The following TGFA variants were observed in gnomAD, a reference collection of about 807,000 sequenced individuals.
TGFA encodes the protein protransforming growth factor alpha.
TGFA carries 12 observed loss-of-function variants against 21.7 expected under a neutral mutation model. The observed-to-expected ratio is 0.55, with a 90% CI of 0.35 to 0.90. The LOEUF is 0.90. Among genes scored for constraint, TGFA ranks in the 40% least tolerant of loss-of-function variants. The probability of loss-of-function intolerance (pLI) is 0.01; values close to 1 mark genes in which losing one functional copy is unlikely to be tolerated. For missense variants in TGFA, 178 were observed against 210.8 expected, an observed-to-expected ratio of 0.84 and a Z score of 0.96; for synonymous variants, 79 against 88.1, an observed-to-expected ratio of 0.90 and a Z score of 0.58.
At chr2:70,550,217 C>A (rs1186262407) in intron 1 of TGFA, among the ~76,000 whole-genome samples, 1 of 152,196 alleles carries the variant, frequency 6.6e-6, no homozygotes, top group Non-Finnish European at 1.5e-5. Context: ...TAAAGCTTAT[C>A]TCTGGATTAT....
At chr2:70,463,853 TC>T (rs1670472818) in intron 3 of TGFA, among the ~76,000 whole-genome samples, 1 of 152,016 alleles carries the variant, frequency 6.6e-6, no homozygotes, top group Non-Finnish European at 1.5e-5. Context: ...ACCCCATCAG[TC>T]CCCCAGGGGC....
At chr2:70,553,321 C>A in intron 1 of TGFA, 1 of 1,506,084 alleles carries the variant, frequency 6.6e-7, no homozygotes, top group South Asian at 1.3e-5. Context: ...GGGTTAGACG[C>A]CGGCCCCCGT....
intron 5 of TGFA, chr2:70,451,686 A>C (rs1239645310): frequency 1.0e-5 from 7 of 681,506 alleles, no homozygotes; most frequent in Non-Finnish European, 1.8e-5. Flanking sequence ...AAGATTAAAA[A>C]CATTTTTCTA....
chr2:70,553,739 A>G lies in TGFA; in HGVS notation c.29T>C (p.Leu10Pro). Residue 10 changes from leucine (L) to proline (P), a missense_variant, in exon 1 of 6, where the codon CTG becomes CCG. Coordinates refer to ENST00000295400, the MANE Select transcript of TGFA (RefSeq NM_003236.4). MVPSAGQLA[L>P]FALGIVLAAC... ...GCCGGCGTACGTACCCAGAGCGAAC[A>G]GGGCGAGCTGTCCAGCCGAGGGGAC... 7.5e-7 allele frequency: 1 copy of G among 1,327,696 alleles called. No homozygotes were observed. 82.2% of individuals were successfully genotyped at this position (1,327,696 alleles called of 1,614,324 possible).
chr2:70,541,173 G>T (rs535702916), intron 1 of TGFA, among the ~76,000 whole-genome samples: 3 of 152,244 alleles, frequency 2.0e-5, no homozygotes, highest in South Asian at 4.2e-4. Context: ...TTCATTTCAG[G>T]TTTGAATATT....
At position 70,516,876 on chromosome 2, in the gene TGFA, C is replaced by T. The variant is rs199690423; in HGVS notation, c.41-1964G>A. 2.3e-3 allele frequency among the ~76,000 whole-genome samples: 350 copies of T among 152,158 alleles called. 2 individuals are homozygous for T. Among genetic ancestry groups the T allele is most frequent in the African/African-American group, 7.1e-3 (293 of 41,468 alleles). The stretch of plus-strand genomic sequence containing the variant: ...GTGACTTGCCTGTCACAAACTGCCC[C>T]GAACTAAAGAATTATCTTCATGCCC... On this transcript the variant is annotated intron_variant, in intron 1 of 5. Coordinates refer to ENST00000295400, the MANE Select transcript of TGFA (RefSeq NM_003236.4).
rs562597678 is a variant in TGFA, at chr2:70,539,248, T to C, written c.40+14480A>G. Among the ~76,000 whole-genome samples the C allele has an allele frequency of 3.3e-5, 5 of 152,316 alleles. No individual in the cohort carries two copies. In the South Asian group the frequency reaches 1.0e-3, roughly 32 times the overall value. ...CTTTATTGTGATATCTGCTTTATTGTGGTGGCCCGGAGCTGGGCCTGCTGT... is the reference window on the plus strand; with the variant it reads ...CTTTATTGTGATATCTGCTTTATTGCGGTGGCCCGGAGCTGGGCCTGCTGT... On this transcript the variant is annotated intron_variant, in intron 1 of 5. Transcript: ENST00000295400.
chr2:70,463,940 T>C (rs1316177670), intron 3 of TGFA, among the ~76,000 whole-genome samples: 2 of 152,234 alleles, frequency 1.3e-5, no homozygotes, highest in Non-Finnish European at 2.9e-5. Context: ...CATCGTGCTT[T>C]GTATTAACAG....
chr2:70,488,635 T>A (rs191931715), intron 2 of TGFA, among the ~76,000 whole-genome samples: 1 of 152,330 alleles, frequency 6.6e-6, no homozygotes, highest in East Asian at 1.9e-4. Context: ...ACCCCTCATT[T>A]TTTTGAAAAC....
intron 2 of TGFA, among the ~76,000 whole-genome samples, chr2:70,474,432 G>C (rs1670863817): frequency 6.6e-6 from 1 of 152,216 alleles, no homozygotes. Context: ...AGTGAGGAAG[G>C]GGAACACTTA....
chr2:70,449,630 A>G lies in TGFA; in HGVS notation c.*1229T>C. The G allele has an allele frequency of 3.9e-6, 1 of 253,456 alleles. No homozygotes were observed. Among genetic ancestry groups the G allele is most frequent in the South Asian group, 3.7e-5 (1 of 26,788 alleles). The allele number at this position is 253,456 out of a possible 1,614,324, so 15.7% of individuals were successfully genotyped here. On this transcript the variant is annotated 3_prime_UTR_variant, in exon 6 of 6. Transcript: ENST00000295400. ...TTAATAAAGCCGGCATCCTGAATGG[A>G]AATGAGGAAAAAAAAATTACTGGAA...
intron 2 of TGFA, among the ~76,000 whole-genome samples, chr2:70,466,455 C>A (rs1191639651): frequency 6.6e-6 from 1 of 152,138 alleles, no homozygotes; most frequent in Non-Finnish European, 1.5e-5. Flanking sequence ...CTGCAGTGAG[C>A]CGAGATTGTG....
rs189045510 is a variant in TGFA at position 70,497,742 on chromosome 2, C to G, written c.94+17117G>C. Among the ~76,000 whole-genome samples, 5 of 152,326 alleles carry G rather than the reference C, an allele frequency of 3.3e-5. No individual in the cohort carries two copies. In the South Asian group the frequency reaches 1.0e-3, roughly 32 times the overall value. Reference sequence around the variant, plus strand: ...ACATAAAACTTCCACTGCCAAGAACCTTGGCCATGTCAGCCTGACCAGTAA... The same window carrying G: ...ACATAAAACTTCCACTGCCAAGAACGTTGGCCATGTCAGCCTGACCAGTAA... On this transcript the variant is annotated intron_variant, in intron 2 of 5. Coordinates refer to ENST00000295400, the MANE Select transcript of TGFA (RefSeq NM_003236.4).
intron 1 of TGFA, among the ~76,000 whole-genome samples, chr2:70,531,629 C>T (rs1553503727): frequency 6.6e-6 from 1 of 152,220 alleles, no homozygotes; most frequent in East Asian, 1.9e-4. Flanking sequence ...AGCACTACTT[C>T]CTGCTGAACT....
chr2:70,499,013 GT>G (rs1187503513), intron 2 of TGFA, among the ~76,000 whole-genome samples: 4 of 152,080 alleles, frequency 2.6e-5, no homozygotes, highest in African/African-American at 9.7e-5. Flanking sequence ...GGACACTAGT[GT>G]TTTTAAAACT....
intron 2 of TGFA, among the ~76,000 whole-genome samples, chr2:70,466,447 G>T (rs1394478717): frequency 6.6e-6 from 1 of 152,192 alleles, no homozygotes; most frequent in South Asian, 2.1e-4. Context: ...GGCGGAGCCT[G>T]CAGTGAGCCG....
At chr2:70,475,182 G>C (rs1213264628) in intron 2 of TGFA, among the ~76,000 whole-genome samples, 3 of 152,146 alleles carry the variant, frequency 2.0e-5, no homozygotes, top group African/African-American at 7.2e-5. Context: ...TAAAGTACCT[G>C]GTCTTAGAGT....
intron 1 of TGFA, among the ~76,000 whole-genome samples, chr2:70,552,881 G>C (rs1553507002): frequency 6.6e-6 from 1 of 152,228 alleles, no homozygotes; most frequent in Non-Finnish European, 1.5e-5. Context: ...ACACCAGAGA[G>C]ACCCACCAGC....
intron 1 of TGFA, among the ~76,000 whole-genome samples, chr2:70,548,397 C>G (rs1365471138): frequency 6.6e-6 from 1 of 152,110 alleles, no homozygotes; most frequent in Non-Finnish European, 1.5e-5. Flanking sequence ...GCTCTGCTAC[C>G]GGGGTTCCCA....
Sources: allele counts gnomAD v4.1 joint callset (sites outside exome capture counted in the v4.1 genomes callset), GRCh38; gene constraint gnomAD v4.1.1; transcripts MANE v1.5; gene names NCBI Gene and HGNC (gene_info 2026-07-23, HGNC 2026-07-21).